Variants in RASGEF1B observed in about 807,000 individuals in gnomAD.
RASGEF1B encodes the protein ras-GEF domain-containing family member 1B.
RASGEF1B carries 30 observed loss-of-function variants against 65.7 expected under a neutral mutation model. That is an observed-to-expected ratio of 0.46 (90% CI 0.34 to 0.62). The LOEUF is 0.62. Among genes scored for constraint, RASGEF1B ranks in the 20% least tolerant of loss-of-function variants. The pLI, the probability that RASGEF1B is intolerant of heterozygous loss-of-function variation, is 0.01. For missense variants in RASGEF1B, 495 were observed against 580.1 expected (o/e 0.85, Z 1.51); for synonymous variants, 175 against 194.8 (o/e 0.90, Z 0.85).
chr4:81,441,626 C>G (rs1721841153), intron 9 of RASGEF1B, among the ~76,000 whole-genome samples: 1 of 151,584 alleles, frequency 6.6e-6, no homozygotes, highest in African/African-American at 2.4e-5. Flanking sequence ...ACTACAGCTC[C>G]CACCTTCCAG....
intron 4 of RASGEF1B, chr4:81,454,713 C>G (rs1722383878): frequency 6.6e-6 from 1 of 152,198 alleles, no homozygotes; most frequent in South Asian, 2.1e-4. Context: ...ATAACTTGCA[C>G]AGTGACTCAG....
chr4:81,466,770 A>AAAAAAAG (rs748492254), intron 1 of RASGEF1B, among the ~76,000 whole-genome samples: 1,211 of 36,110 alleles, frequency 0.034, 50 homozygotes, highest in Non-Finnish European at 0.04. Context: ...AAAAAAAAAA[A>AAAAAAAG]AAAGAAAGAA....
intron 9 of RASGEF1B, among the ~76,000 whole-genome samples, chr4:81,441,261 C>T (rs1000894526): frequency 1.3e-5 from 2 of 152,214 alleles, no homozygotes; most frequent in Admixed American, 6.5e-5. Context: ...TGAAGGTCAA[C>T]GGGCCCGTTG....
chr4:81,433,870 G>C lies in RASGEF1B; in HGVS notation c.1294C>G (p.Leu432Val). Reference protein sequence around the residue: ...FERDRKILQYLLTVPVFSEDA... With the variant: ...FERDRKILQYVLTVPVFSEDA... Reference sequence around the variant, plus strand: ...TCACTGAAGACTGGTACTGTGAGCAGATACTGCAAGATCTTCCGGTCCCTC... The same window carrying C: ...TCACTGAAGACTGGTACTGTGAGCACATACTGCAAGATCTTCCGGTCCCTC... Residue 432 changes from leucine to valine, a missense_variant, in exon 12 of 14, where the codon CTG becomes GTG. Physicochemically the swap from Leu to Val is conservative, Grantham distance 32. Transcript: ENST00000264400. 1 of 1,614,012 alleles carries C rather than the reference G, an allele frequency of 6.2e-7. No homozygotes were observed. Among genetic ancestry groups the C allele is most frequent in the Non-Finnish European group, 8.5e-7 (1 of 1,179,936 alleles).
chr4:81,464,148 C>A (rs1267057582), intron 1 of RASGEF1B, among the ~76,000 whole-genome samples: 2 of 152,198 alleles, frequency 1.3e-5, no homozygotes, highest in African/African-American at 4.8e-5. Flanking sequence ...TATAAACTCT[C>A]AACTTACTCC....
chr4:81,446,477 A>G (rs1249980181), intron 6 of RASGEF1B, among the ~76,000 whole-genome samples: 1 of 152,230 alleles, frequency 6.6e-6, no homozygotes, highest in Non-Finnish European at 1.5e-5. Context: ...ATTCCAAAAC[A>G]ATCCCGACTC....
Position 81,459,485 on chromosome 4 carries a change from T to G in RASGEF1B, c.24A>C (p.Ser8=). Residue 8 remains serine (S), a synonymous_variant, in exon 2 of 14, where the codon TCA becomes TCC. Coordinates refer to ENST00000264400, the MANE Select transcript of RASGEF1B (RefSeq NM_152545.3). MPQTPPF[S]AMFDSSGYNR... is the part of the protein sequence containing the mutation. ...TGTAACCACTGCTGTCAAACATTGCTGAAAAGGGAGGAGTCTGAGGCATAC... is the reference window on the plus strand; with the variant it reads ...TGTAACCACTGCTGTCAAACATTGCGGAAAAGGGAGGAGTCTGAGGCATAC... The G allele has an allele frequency of 6.2e-7, 1 of 1,602,736 alleles. No individual in the cohort carries two copies. The highest frequency in any genetic ancestry group is 2.2e-5 in the East Asian group (1 of 44,728).
Position 81,459,359 on chromosome 4 carries a change from T to A in RASGEF1B, c.150A>T (p.Leu50Phe). ...SGSLEALIQH[L>F]VPNVDYYPDR... is the part of the protein sequence containing the mutation. ...CTGGATAGTAATCCACATTAGGTACTAAGTGCTGGATGAGTGCTTCCAGGG... is the reference window on the plus strand; with the variant it reads ...CTGGATAGTAATCCACATTAGGTACAAAGTGCTGGATGAGTGCTTCCAGGG... The change falls in exon 2 of 14, where the codon TTA becomes TTT. Residue 50 changes from leucine to phenylalanine, a missense_variant. Transcript: ENST00000264400. The A allele has an allele frequency of 6.2e-7, 1 of 1,607,342 alleles. No individual in the cohort carries two copies.
intron 9 of RASGEF1B, 91 bp downstream of exon 9, chr4:81,442,206 C>G: frequency 1.2e-6 from 1 of 852,304 alleles, no homozygotes; most frequent in East Asian, 2.4e-5. Context: ...TTTCCTCTGT[C>G]GTAGTCTGAT....
chr4:81,444,751 G>A (rs1721959871), intron 8 of RASGEF1B, among the ~76,000 whole-genome samples: 1 of 152,136 alleles, frequency 6.6e-6, no homozygotes, highest in Non-Finnish European at 1.5e-5. Context: ...TGGCCAGGGT[G>A]GTCTCGATCT....
intron 4 of RASGEF1B, chr4:81,454,200 T>C (rs1722365181): frequency 6.6e-6 from 1 of 152,180 alleles, no homozygotes; most frequent in Non-Finnish European, 1.5e-5. Context: ...TTGATTCTGT[T>C]AAACAAAAAG....
At chr4:81,455,818 T>G (rs1722423847) in intron 4 of RASGEF1B, 1 of 152,302 alleles carries the variant, frequency 6.6e-6, no homozygotes, top group South Asian at 2.1e-4. Flanking sequence ...TCTCTACCTA[T>G]ACTAGAGTCT....
intron 13 of RASGEF1B, among the ~76,000 whole-genome samples, chr4:81,430,226 G>T (rs914512860): frequency 6.6e-6 from 1 of 152,164 alleles, no homozygotes; most frequent in Non-Finnish European, 1.5e-5. Context: ...GCGTGAACCC[G>T]GGAGGCGGAG....
At chr4:81,444,382 AT>A (rs1179308625) in intron 8 of RASGEF1B, among the ~76,000 whole-genome samples, 1 of 152,162 alleles carries the variant, frequency 6.6e-6, no homozygotes, top group African/African-American at 2.4e-5. Flanking sequence ...CTTGGCCAGT[AT>A]TTTTTATGGG....
chr4:81,430,901 A>G (rs1412483574), intron 13 of RASGEF1B, among the ~76,000 whole-genome samples: 1 of 152,214 alleles, frequency 6.6e-6, no homozygotes, highest in Non-Finnish European at 1.5e-5. Context: ...CAGATACCAG[A>G]TATCATTTAT....
At chr4:81,435,241 C>G (rs1489367266) in intron 10 of RASGEF1B, among the ~76,000 whole-genome samples, 1 of 151,472 alleles carries the variant, frequency 6.6e-6, no homozygotes, top group Non-Finnish European at 1.5e-5. Context: ...GAAACCCCGT[C>G]TCTACTAAAA....
chr4:81,448,300 AG>A lies in RASGEF1B; in HGVS notation c.439-17del. ...TGTATGTCTGCTAGGGAATAAGCGAAGAATTACATCCGTACTCTGCGTGTCT... is the reference window on the plus strand; with the variant it reads ...TGTATGTCTGCTAGGGAATAAGCGAAAATTACATCCGTACTCTGCGTGTCT... On this transcript the variant is annotated splice_polypyrimidine_tract_variant and intron_variant, in intron 4 of 13. Coordinates refer to ENST00000264400, the MANE Select transcript of RASGEF1B (RefSeq NM_152545.3). 1 of 1,601,788 alleles carries A rather than the reference AG, an allele frequency of 6.2e-7. No individual in the cohort carries two copies. The highest frequency in any genetic ancestry group is 8.5e-7 in the Non-Finnish European group (1 of 1,170,444).
intron 6 of RASGEF1B, among the ~76,000 whole-genome samples, chr4:81,447,162 T>C (rs1340107576): frequency 6.6e-6 from 1 of 152,198 alleles, no homozygotes; most frequent in Admixed American, 6.5e-5. Context: ...GGGCAGAACC[T>C]TCTCTCTTAG....
At chr4:81,434,543 A>C (rs1721541268) in intron 11 of RASGEF1B, 96 bp downstream of exon 11, 2 of 737,030 alleles carry the variant, frequency 2.7e-6, no homozygotes, top group Non-Finnish European at 5.0e-6. Flanking sequence ...CTGAAACTGC[A>C]GAATTGGCTT....
Sources: gnomAD v4.1 joint callset for allele counts (sites outside exome capture counted in the v4.1 genomes callset) on GRCh38, gnomAD v4.1.1 for gene constraint, MANE v1.5 for transcripts, NCBI Gene and HGNC (gene_info 2026-07-23, HGNC 2026-07-21) for gene names.